OFD1: variants seen among roughly 807,000 people sequenced by gnomAD.
OFD1 encodes centriole and centriolar satellite protein OFD1.
OFD1 carries 12 observed loss-of-function variants against 81.4 expected under a neutral mutation model. The observed-to-expected ratio is 0.15, with a 90% CI of 0.09 to 0.24. OFD1 has a LOEUF of 0.24. Among genes scored for constraint, OFD1 ranks in the 10% least tolerant of loss-of-function variants. OFD1 has a pLI of 1.00. For synonymous variants in OFD1, 256 were observed against 263.7 expected (o/e 0.97, Z 0.28); for missense variants, 685 against 733.9 (o/e 0.93, Z 0.77).
chrX:13,753,748 T>C (rs895003737), intron 11 of OFD1, among the ~76,000 whole-genome samples: 4 of 112,122 alleles, frequency 3.6e-5, no homozygotes, highest in Non-Finnish European at 7.5e-5. Flanking sequence ...CAGCAACTTA[T>C]TGCTGTCAAG....
At chrX:13,726,342 G>C in the OFD1 span, among the ~76,000 whole-genome samples, 1 of 111,837 alleles carries the variant, frequency 8.9e-6, no homozygotes, top group African/African-American at 3.3e-5. Context: ...GGAAAAAAAT[G>C]TTAAGGGCAG....
chrX:13,736,073 CTGT>C (rs2046852388), intron 2 of OFD1: 1 of 705,773 alleles, frequency 1.4e-6, no homozygotes, highest in Non-Finnish European at 1.7e-6. Flanking sequence ...TAGCAGTCCC[CTGT>C]TGTTGAATAT....
chrX:13,734,809 C>T lies in OFD1; in HGVS notation c.-263C>T. On this transcript the variant is annotated 5_prime_UTR_variant, in exon 1 of 23. Coordinates refer to ENST00000340096, the MANE Select transcript of OFD1 (RefSeq NM_003611.3). ...TCCCTAGTGTCTGGGTCCCCGCCCT[C>T]CAGCCGCCTTTGAGTCGTGCCTGGG... 1.9e-6 allele frequency: 2 copies of T among 1,076,290 alleles called. No individual in the cohort carries two copies. Among genetic ancestry groups the T allele is most frequent in the Non-Finnish European group, 2.4e-6 (2 of 835,860 alleles). The allele number at this position is 1,076,290 out of a possible 1,213,427, so 88.7% of individuals were successfully genotyped here. A position where few individuals can be genotyped will look rare whatever the true frequency, so the allele number is the denominator to read the frequency against.
chrX:13,716,954 T>A, the OFD1 span, among the ~76,000 whole-genome samples: 1 of 105,918 alleles, frequency 9.4e-6, no homozygotes. Flanking sequence ...ATCTTTTTCA[T>A]ATAAATTTTT....
At chrX:13,726,835 C>G in the OFD1 span, among the ~76,000 whole-genome samples, 1 of 111,744 alleles carries the variant, frequency 8.9e-6, no homozygotes, top group Non-Finnish European at 1.9e-5. Context: ...AATCAAGACC[C>G]ATCAGTGTGC....
rs769897915 is a variant in OFD1 at position 13,752,967 on chromosome X, G to T, written c.1056-401G>T. 13 of 900,791 alleles carry T rather than the reference G, an allele frequency of 1.4e-5. No homozygotes were observed. The African/African-American group carries it at 2.5e-4, about 18-fold the overall frequency. The allele number at this position is 900,791 out of a possible 1,213,427, so 74.2% of individuals were successfully genotyped here. ...ACAAAAGTTCTTACCTTGGTTGGGG[G>T]TGGGCAGATGGTACAGGTGGATTGG... On this transcript the variant is annotated intron_variant, in intron 10 of 22. Transcript: ENST00000340096.
chrX:13,746,580 C>G, intron 7 of OFD1, 125 bp downstream of exon 7: 1 of 889,164 alleles, frequency 1.1e-6, no homozygotes, highest in Non-Finnish European at 1.6e-6. Context: ...TACTGTTGTG[C>G]AAATTTTTTT....
At chrX:13,756,468 A>G (rs1293842550) in intron 12 of OFD1, 110 bp from the exon 13 acceptor site, 3 of 548,497 alleles carry the variant, frequency 5.5e-6, no homozygotes, top group Non-Finnish European at 9.1e-6. Flanking sequence ...ACTTCTGTCT[A>G]GTGACCTTAA....
intron 19 of OFD1, among the ~76,000 whole-genome samples, chrX:13,766,201 C>T (rs1255503532): frequency 8.9e-6 from 1 of 112,308 alleles, no homozygotes; most frequent in Non-Finnish European, 1.9e-5. Context: ...AGATGCTGCA[C>T]AGCAGATCCA....
At chrX:13,714,576 T>C in the OFD1 span, 1 of 612,115 alleles carries the variant, frequency 1.6e-6, no homozygotes, top group South Asian at 4.4e-5. Flanking sequence ...GAAATCATTT[T>C]AAAGTTTTAA....
At chrX:13,736,448 T>C in intron 2 of OFD1, 30 bp from the exon 3 acceptor site, 1 of 1,194,388 alleles carries the variant, frequency 8.4e-7, no homozygotes, top group Non-Finnish European at 1.1e-6. Context: ...CTTGTGTTTC[T>C]TTTTTATTTT....
chrX:13,745,683 G>A (rs1330325785), intron 6 of OFD1, among the ~76,000 whole-genome samples: 3 of 112,200 alleles, frequency 2.7e-5, no homozygotes, highest in African/African-American at 9.7e-5. Flanking sequence ...GTTATACACG[G>A]TTGAGATTGT....
Position 13,753,370 on chromosome X carries a change from A to G in OFD1, c.1058A>G (p.Tyr353Cys), listed in dbSNP as rs774097510. 1.3e-5 allele frequency: 16 copies of G among 1,206,602 alleles called. No homozygotes were observed. The highest frequency in any genetic ancestry group is 1.7e-5 in the Non-Finnish European group (15 of 891,705). Residue 353 changes from tyrosine (Y) to cysteine (C), a missense_variant and splice_region_variant, in exon 11 of 23, where the codon TAT becomes TGT. By Grantham distance (194) the Tyr-to-Cys change is radical (BLOSUM62 -2). Around this residue, in one of 3 missense-constraint regions of OFD1, gnomAD observed 414 missense variants for 447.2 expected, o/e 0.93. Coordinates refer to ENST00000340096, the MANE Select transcript of OFD1 (RefSeq NM_003611.3). ...TATTTAGTCATTCTGATTCTCAGGT[A>G]TCAACTTGAACTGAAGGATGACTAC... is the stretch of plus-strand genomic sequence containing the variant. ...DRKLKNELLK[Y>C]QLELKDDYII...
At chrX:13,748,267 C>T (rs1290035607) in intron 8 of OFD1, among the ~76,000 whole-genome samples, 1 of 112,302 alleles carries the variant, frequency 8.9e-6, no homozygotes, top group East Asian at 2.8e-4. Flanking sequence ...TTTATCTGAT[C>T]ATCTGAAGGC....
At chrX:13,763,231 T>C (rs2048003075) in intron 18 of OFD1, among the ~76,000 whole-genome samples, 1 of 112,860 alleles carries the variant, frequency 8.9e-6, no homozygotes, top group African/African-American at 3.2e-5. Context: ...AGCCACTTTG[T>C]AAGTGTAAAA....
upstream of OFD1, among the ~76,000 whole-genome samples, chrX:13,732,599 G>A (rs1393637076): frequency 8.9e-6 from 1 of 112,569 alleles, no homozygotes; most frequent in Non-Finnish European, 1.9e-5. Context: ...GGAGGGCCAA[G>A]TATTTGCTGA....
At chrX:13,723,235 T>C in the OFD1 span, among the ~76,000 whole-genome samples, 122 of 111,943 alleles carry the variant, frequency 1.1e-3, no homozygotes, top group South Asian at 0.019. Flanking sequence ...TGGCACAATC[T>C]TAGCGCACTG....
intron 12 of OFD1, among the ~76,000 whole-genome samples, chrX:13,755,870 T>C (rs757599205): frequency 9.6e-4 from 107 of 111,171 alleles, no homozygotes; most frequent in African/African-American, 3.3e-3. Context: ...TGTAGGCTTT[T>C]TACTCAAATA....
chrX:13,773,065 C>A, downstream of OFD1: 1 of 1,181,680 alleles, frequency 8.5e-7, no homozygotes, highest in Non-Finnish European at 1.1e-6. Flanking sequence ...GGCTAGTGAG[C>A]ATTGTGAGAA....
Sources: allele counts gnomAD v4.1 joint callset (sites outside exome capture counted in the v4.1 genomes callset), GRCh38; gene constraint gnomAD v4.1.1; regional missense constraint gnomAD v4.1.1; transcripts MANE v1.5; gene names NCBI Gene and HGNC (gene_info 2026-07-23, HGNC 2026-07-21).